AGBL4: variants seen among roughly 807,000 people sequenced by gnomAD.
The protein encoded by AGBL4 is cytosolic carboxypeptidase 6.
AGBL4 carries 58 observed loss-of-function variants against 66.4 expected under a neutral mutation model. That is an observed-to-expected ratio of 0.87 (90% CI 0.71 to 1.09). The LOEUF (loss-of-function observed/expected upper bound fraction) is 1.09, where lower values mean the gene tolerates loss of function less well. AGBL4 is among the 50% of genes least tolerant of loss of function. AGBL4 has a pLI of 0.00. For missense variants in AGBL4, 579 were observed against 631.0 expected (o/e 0.92, Z 0.88); for synonymous variants, 234 against 222.9 (o/e 1.05, Z -0.44).
intron 3 of AGBL4, among the ~76,000 whole-genome samples, chr1:49,673,881 T>C (rs1429527873): frequency 2.0e-5 from 3 of 152,004 alleles, no homozygotes; most frequent in Non-Finnish European, 1.5e-5. Context: ...TAATTCTTCC[T>C]AAATGAAAGA....
intron 3 of AGBL4, among the ~76,000 whole-genome samples, chr1:49,410,584 C>T (rs182075548): frequency 6.6e-6 from 1 of 152,240 alleles, no homozygotes; most frequent in East Asian, 1.9e-4. Context: ...ATCAATTAGT[C>T]AGAAGGTGAA....
chr1:49,805,654 C>T (rs1056114881), intron 2 of AGBL4, among the ~76,000 whole-genome samples: 3 of 152,158 alleles, frequency 2.0e-5, no homozygotes, highest in East Asian at 1.9e-4. Flanking sequence ...AAAATTCATA[C>T]ATTAAAACCT....
At chr1:48,899,421 G>GTTTTTT (rs113628909) in intron 5 of AGBL4, among the ~76,000 whole-genome samples, 1 of 149,032 alleles carries the variant, frequency 6.7e-6, no homozygotes, top group Non-Finnish European at 1.5e-5. Flanking sequence ...TAAGTTAATA[G>GTTTTTT]TTTTTTTTTT....
chr1:49,118,772 G>C (rs1645587147), intron 4 of AGBL4, among the ~76,000 whole-genome samples: 1 of 152,176 alleles, frequency 6.6e-6, no homozygotes, highest in Admixed American at 6.5e-5. Context: ...AGATGGAATG[G>C]TACCAGCACC....
intron 4 of AGBL4, among the ~76,000 whole-genome samples, chr1:49,076,334 G>T (rs544542948): frequency 5.3e-5 from 8 of 152,172 alleles, no homozygotes; most frequent in African/African-American, 1.9e-4. Context: ...AAGATTACTT[G>T]TAATACCTAA....
intron 4 of AGBL4, among the ~76,000 whole-genome samples, chr1:49,219,166 T>C (rs1649305801): frequency 6.6e-6 from 1 of 152,154 alleles, no homozygotes; most frequent in Non-Finnish European, 1.5e-5. Context: ...TACTACTGTA[T>C]ACTCCCTTTT....
intron 2 of AGBL4, among the ~76,000 whole-genome samples, chr1:49,820,027 C>A (rs936869749): frequency 2.0e-5 from 3 of 152,098 alleles, no homozygotes; most frequent in African/African-American, 7.2e-5. Context: ...GGCAAAAGCT[C>A]CAATAAAGAC....
At chr1:49,762,417 T>C (rs573626426) in intron 2 of AGBL4, among the ~76,000 whole-genome samples, 4 of 150,162 alleles carry the variant, frequency 2.7e-5, no homozygotes, top group African/African-American at 9.7e-5. Flanking sequence ...TTTTCTTCTT[T>C]TTTTTTTTTT....
At chr1:49,056,806 G>A (rs1049472126) in intron 4 of AGBL4, among the ~76,000 whole-genome samples, 3 of 152,128 alleles carry the variant, frequency 2.0e-5, no homozygotes, top group East Asian at 1.9e-4. Context: ...CTGTTTCAAA[G>A]GTAGTCTATA....
At chr1:48,550,195 A>G (rs1451308015) in intron 11 of AGBL4, among the ~76,000 whole-genome samples, 2 of 152,162 alleles carry the variant, frequency 1.3e-5, no homozygotes, top group Non-Finnish European at 2.9e-5. Flanking sequence ...ACTGTAACAA[A>G]TCACCACACA....
intron 2 of AGBL4, among the ~76,000 whole-genome samples, chr1:49,718,015 T>G (rs941562328): frequency 2.0e-5 from 3 of 152,048 alleles, no homozygotes; most frequent in Non-Finnish European, 4.4e-5. Flanking sequence ...GCTATTGGGA[T>G]GGATGAAGAA....
At chr1:48,614,904 T>C (rs74079424) in intron 9 of AGBL4, among the ~76,000 whole-genome samples, 1 of 152,280 alleles carries the variant, frequency 6.6e-6, no homozygotes, top group African/African-American at 2.4e-5. Flanking sequence ...GGGGATGATA[T>C]GGTTATTCTT....
intron 5 of AGBL4, among the ~76,000 whole-genome samples, chr1:48,925,769 T>C (rs902298569): frequency 2.0e-5 from 3 of 152,238 alleles, no homozygotes; most frequent in Admixed American, 1.3e-4. Context: ...ACTATATATA[T>C]GTGTGTATAG....
At chr1:48,917,343 A>G (rs772719120) in intron 5 of AGBL4, among the ~76,000 whole-genome samples, 3 of 152,188 alleles carry the variant, frequency 2.0e-5, no homozygotes, top group Admixed American at 6.5e-5. Flanking sequence ...CAAGACCAAG[A>G]TGCTACCTAT....
intron 5 of AGBL4, among the ~76,000 whole-genome samples, chr1:48,911,402 G>C (rs1316095768): frequency 1.3e-5 from 2 of 152,044 alleles, no homozygotes; most frequent in African/African-American, 2.4e-5. Flanking sequence ...TGGATCACGA[G>C]GTCAGGAGAT....
intron 6 of AGBL4, among the ~76,000 whole-genome samples, chr1:48,768,238 C>G (rs532568171): frequency 6.6e-6 from 1 of 152,284 alleles, no homozygotes; most frequent in East Asian, 1.9e-4. Flanking sequence ...ATCTTGCCTA[C>G]ACCCTAAGAG....
chr1:49,625,933 G>C (rs929078968), intron 3 of AGBL4, among the ~76,000 whole-genome samples: 8 of 152,104 alleles, frequency 5.3e-5, no homozygotes, highest in Admixed American at 5.2e-4. Flanking sequence ...AATGTCAGGA[G>C]AGAATAGGAA....
At chr1:49,215,527 T>C (rs1649018857) in intron 4 of AGBL4, among the ~76,000 whole-genome samples, 1 of 151,998 alleles carries the variant, frequency 6.6e-6, no homozygotes, top group Non-Finnish European at 1.5e-5. Flanking sequence ...ATTCTCAGGG[T>C]TCACTTCTGT....
At chr1:49,992,008 A>G (rs185327712) in intron 1 of AGBL4, among the ~76,000 whole-genome samples, 2 of 152,348 alleles carry the variant, frequency 1.3e-5, no homozygotes, top group East Asian at 3.9e-4. Flanking sequence ...CCTAGGAAAT[A>G]GTGAGCTTTT....
Sources: gnomAD v4.1 joint callset for allele counts (sites outside exome capture counted in the v4.1 genomes callset) on GRCh38, gnomAD v4.1.1 for gene constraint, MANE v1.5 for transcripts, NCBI Gene and HGNC (gene_info 2026-07-23, HGNC 2026-07-21) for gene names.